The following PCGF5 variants were observed in gnomAD, a reference collection of about 807,000 sequenced individuals.
The protein encoded by PCGF5 is polycomb group RING finger protein 5.
PCGF5 carries 9 observed loss-of-function variants against 44.3 expected under a neutral mutation model. The ratio of observed to expected loss-of-function variants is 0.20; its 90% CI spans 0.12 to 0.35. The LOEUF (loss-of-function observed/expected upper bound fraction) is 0.35, where lower values mean the gene tolerates loss of function less well. PCGF5 is among the 10% of genes least tolerant of loss of function. PCGF5 has a pLI of 1.00. For synonymous variants in PCGF5, 95 were observed against 102.5 expected, an observed-to-expected ratio of 0.93 and a Z score of 0.44; for missense variants, 146 against 305.3, an observed-to-expected ratio of 0.48 and a Z score of 3.89.
At chr10:91,270,786 C>A (rs1846159827) in intron 8 of PCGF5, among the ~76,000 whole-genome samples, 1 of 151,654 alleles carries the variant, frequency 6.6e-6, no homozygotes, top group Admixed American at 6.6e-5. Flanking sequence ...TAATTTTTTC[C>A]ATTTTGAAAA....
intron 1 of PCGF5, among the ~76,000 whole-genome samples, chr10:91,179,561 C>T (rs2133188462): frequency 6.6e-6 from 1 of 152,304 alleles, no homozygotes; most frequent in South Asian, 2.1e-4. Flanking sequence ...CATATGTTCT[C>T]ATCATTTAGC....
upstream of PCGF5, among the ~76,000 whole-genome samples, chr10:91,219,246 G>A (rs942970059): frequency 4.6e-5 from 7 of 152,164 alleles, no homozygotes; most frequent in South Asian, 2.1e-4. Context: ...CCTAAAACCC[G>A]CCTTCAAGCT....
At chr10:91,257,876 T>A (rs914598336) in intron 6 of PCGF5, among the ~76,000 whole-genome samples, 8 of 152,124 alleles carry the variant, frequency 5.3e-5, no homozygotes, top group Non-Finnish European at 8.8e-5. Context: ...ATAGCATTAT[T>A]TGTAATAGCC....
intron 1 of PCGF5, among the ~76,000 whole-genome samples, chr10:91,183,082 A>G (rs973304377): frequency 2.8e-4 from 42 of 152,134 alleles, no homozygotes; most frequent in African/African-American, 9.7e-4. Flanking sequence ...AATGAGAAGA[A>G]TGTATATTCT....
At chr10:91,174,149 T>C (rs1415908372) in intron 1 of PCGF5, among the ~76,000 whole-genome samples, 1 of 150,728 alleles carries the variant, frequency 6.6e-6, no homozygotes, top group East Asian at 2.0e-4. Context: ...CTTGGGCCAC[T>C]GTAGGTTGGA....
intron 1 of PCGF5, among the ~76,000 whole-genome samples, chr10:91,193,293 C>T (rs1844067226): frequency 6.6e-6 from 1 of 152,192 alleles, no homozygotes; most frequent in Admixed American, 6.5e-5. Context: ...GGATTCTGGC[C>T]TTGTGAGACT....
chr10:91,169,178 A>G (rs1843559100), intron 1 of PCGF5, among the ~76,000 whole-genome samples: 1 of 152,186 alleles, frequency 6.6e-6, no homozygotes, highest in African/African-American at 2.4e-5. Context: ...ACAGGATAAA[A>G]GTGGATAATA....
At chr10:91,188,451 T>TA (rs1843967265) in intron 1 of PCGF5, among the ~76,000 whole-genome samples, 1 of 152,230 alleles carries the variant, frequency 6.6e-6, no homozygotes, top group African/African-American at 2.4e-5. Flanking sequence ...TTATGTATAT[T>TA]AAAATTATGC....
chr10:91,162,788 G>C (rs1843409642), upstream of PCGF5, among the ~76,000 whole-genome samples: 1 of 151,030 alleles, frequency 6.6e-6, no homozygotes, highest in Non-Finnish European at 1.5e-5. Flanking sequence ...GGGAGTGCGG[G>C]CTGTGCCCCG....
chr10:91,254,069 G>A (rs1845687555), intron 6 of PCGF5, among the ~76,000 whole-genome samples: 1 of 151,814 alleles, frequency 6.6e-6, no homozygotes, highest in African/African-American at 2.4e-5. Context: ...AGTATTCAAG[G>A]CCCTTCCCTA....
chr10:91,244,056 T>C (rs1381758033), intron 3 of PCGF5, among the ~76,000 whole-genome samples: 2 of 152,166 alleles, frequency 1.3e-5, no homozygotes, highest in African/African-American at 4.8e-5. Flanking sequence ...CCCTTGTAGA[T>C]TTAATATTTT....
At position 91,279,979 on chromosome 10, in the gene PCGF5, CA is replaced by C. The variant is rs1265912872; in HGVS notation, c.*1668del. 2 of 151,844 alleles carry C rather than the reference CA, an allele frequency of 1.3e-5. No homozygotes were observed. Among genetic ancestry groups the C allele is most frequent in the Non-Finnish European group, 2.9e-5 (2 of 67,866 alleles). 9.4% of individuals were successfully genotyped at this position (151,844 alleles called of 1,614,324 possible). A position where few individuals can be genotyped will look rare whatever the true frequency, so the allele number is the denominator to read the frequency against. On this transcript the variant is annotated 3_prime_UTR_variant, in exon 10 of 10. Coordinates refer to ENST00000336126, the MANE Select transcript of PCGF5 (RefSeq NM_032373.5). ...CTGTTCCTTCTATCTTTTTTTGAGT[CA>C]AAAAGTCTATTAAATTTTTCTGTTG...
intron 3 of PCGF5, among the ~76,000 whole-genome samples, chr10:91,244,938 A>G (rs760084014): frequency 9.2e-5 from 14 of 152,104 alleles, no homozygotes; most frequent in Non-Finnish European, 1.9e-4. Flanking sequence ...AGGTAAGTGG[A>G]TATATGTGTC....
intron 1 of PCGF5, among the ~76,000 whole-genome samples, chr10:91,211,276 G>T (rs1413556914): frequency 2.0e-5 from 3 of 152,198 alleles, no homozygotes; most frequent in African/African-American, 7.2e-5. Context: ...GATGTGATTA[G>T]CTGGGGGGAT....
At chr10:91,192,249 G>A (rs1431053261) in intron 1 of PCGF5, among the ~76,000 whole-genome samples, 4 of 152,096 alleles carry the variant, frequency 2.6e-5, no homozygotes, top group African/African-American at 9.7e-5. Context: ...GACTATTTTA[G>A]TTTATTTTTC....
intron 1 of PCGF5, among the ~76,000 whole-genome samples, chr10:91,212,350 T>G (rs1844467934): frequency 6.6e-6 from 1 of 152,216 alleles, no homozygotes; most frequent in Admixed American, 6.5e-5. Context: ...GCCATTCTGT[T>G]TTCACTACAT....
chr10:91,163,370 C>T (rs951486844), intron 1 of PCGF5, among the ~76,000 whole-genome samples: 5 of 151,782 alleles, frequency 3.3e-5, no homozygotes, highest in Non-Finnish European at 7.4e-5. Context: ...ACTTTCTCTT[C>T]CCCAGAGGGG....
upstream of PCGF5, among the ~76,000 whole-genome samples, chr10:91,161,256 T>C (rs1843377540): frequency 6.6e-6 from 1 of 152,242 alleles, no homozygotes; most frequent in Admixed American, 6.5e-5. Context: ...TCCAGTTCTT[T>C]CAACACTTGT....
chr10:91,252,447 A>G (rs1007901604), intron 6 of PCGF5, among the ~76,000 whole-genome samples: 7 of 152,082 alleles, frequency 4.6e-5, no homozygotes, highest in African/African-American at 1.2e-4. Context: ...TTTATCCACT[A>G]TGTGAACAGT....
Sources: allele counts gnomAD v4.1 joint callset (sites outside exome capture counted in the v4.1 genomes callset), GRCh38; gene constraint gnomAD v4.1.1; transcripts MANE v1.5; gene names NCBI Gene and HGNC (gene_info 2026-07-23, HGNC 2026-07-21).